MVB12A: variants seen among roughly 807,000 people sequenced by gnomAD.
MVB12A encodes CIN85/CD2AP family binding protein.
Under a neutral mutation model 34.3 loss-of-function variants are expected in MVB12A, and 30 were observed. The ratio of observed to expected loss-of-function variants is 0.88; its 90% CI spans 0.65 to 1.19. MVB12A has a LOEUF of 1.19. Ranked by LOEUF, MVB12A falls within the 50% of genes most tolerant of loss-of-function variation. The probability of loss-of-function intolerance (pLI) is 0.00; values close to 1 mark genes in which losing one functional copy is unlikely to be tolerated. For missense variants in MVB12A, 355 were observed against 369.2 expected (o/e 0.96, Z 0.31); for synonymous variants, 158 against 158.9 (o/e 0.99, Z 0.04).
chr19:17,420,878 T>C, intron 3 of MVB12A: 2 of 672,094 alleles, frequency 3.0e-6, no homozygotes, highest in South Asian at 1.6e-5. Context: ...CCACGCCACC[T>C]GTTTCACTAC....
At chr19:17,410,496 TCATA>T (rs1312371272) in intron 2 of MVB12A, among the ~76,000 whole-genome samples, 1 of 31,514 alleles carries the variant, frequency 3.2e-5, no homozygotes, top group African/African-American at 1.0e-4. Context: ...GGTTTTAGCT[TCATA>T]TATATATATA....
chr19:17,408,591 C>T (rs922383564), intron 2 of MVB12A, among the ~76,000 whole-genome samples: 5 of 147,732 alleles, frequency 3.4e-5, no homozygotes, highest in East Asian at 2.1e-4. Flanking sequence ...GGATTACAGG[C>T]GCCCACCGCC....
chr19:17,425,047 G>T lies in MVB12A; in HGVS notation c.*54G>T. On this transcript the variant is annotated 3_prime_UTR_variant, in exon 9 of 9. Transcript: ENST00000317040. Reference sequence around the variant, plus strand: ...CTTACTCCACCTCCCCGCCAGCCTGGGGCCACCCCCCCTCACTGCATCCTG... The same window carrying T: ...CTTACTCCACCTCCCCGCCAGCCTGTGGCCACCCCCCCTCACTGCATCCTG... The T allele has an allele frequency of 1.1e-6, 1 of 932,276 alleles. No individual in the cohort carries two copies. Among genetic ancestry groups the T allele is most frequent in the Non-Finnish European group, 1.7e-6 (1 of 596,662 alleles). 57.8% of individuals were successfully genotyped at this position (932,276 alleles called of 1,614,324 possible). A position where few individuals can be genotyped will look rare whatever the true frequency, so the allele number is the denominator to read the frequency against.
intron 2 of MVB12A, among the ~76,000 whole-genome samples, chr19:17,412,716 A>C (rs577108706): frequency 1.5e-4 from 23 of 152,364 alleles, no homozygotes; most frequent in Non-Finnish European, 2.9e-4. Context: ...CATCAGTTAC[A>C]TTATTCTGAC....
At chr19:17,410,530 A>ATATATATATG (rs71162122) in intron 2 of MVB12A, among the ~76,000 whole-genome samples, 3 of 73,044 alleles carry the variant, frequency 4.1e-5, no homozygotes, top group Non-Finnish European at 7.6e-5. Flanking sequence ...ATATATATAT[A>ATATATATATG]CACACACACA....
chr19:17,421,801 C>G (rs986479058), intron 3 of MVB12A: 1 of 152,034 alleles, frequency 6.6e-6, no homozygotes, highest in African/African-American at 2.4e-5. Context: ...ATTAGCTGGG[C>G]ATGGTGGTGG....
Position 17,422,412 on chromosome 19 carries a change from C to T in MVB12A, c.367C>T (p.Arg123Trp), listed in dbSNP as rs375457160. The part of the protein sequence containing the change: ...GATDTAVFDV[R>W]LSGKTKTVPG... ...CACGGACACGGCTGTGTTTGATGTC[C>T]GGCTGAGTGGGAAGACCAAGACAGT... The change falls in exon 4 of 9, where the codon CGG (arginine) becomes TGG (tryptophan). Residue 123 changes from arginine (R) to tryptophan (W), a missense_variant. Arg to Trp is a moderately radical substitution (Grantham distance 101). Coordinates refer to ENST00000317040, the MANE Select transcript of MVB12A (RefSeq NM_138401.4). 99 of 1,613,430 alleles carry T rather than the reference C, an allele frequency of 6.1e-5. No homozygotes were observed. Among genetic ancestry groups the T allele is most frequent in the Non-Finnish European group, 7.2e-5 (85 of 1,179,714 alleles).
At position 17,422,251 on chromosome 19, in the gene MVB12A, G is replaced by A. The variant is rs1443680501; in HGVS notation, c.287-81G>A. Reference sequence around the variant, plus strand: ...TGGCTGCCTTAAACAGCACCCTGGCGAGCCTCATCCTAGAGTCATCTTTGG... The same window carrying A: ...TGGCTGCCTTAAACAGCACCCTGGCAAGCCTCATCCTAGAGTCATCTTTGG... On this transcript the variant is annotated intron_variant, in intron 3 of 8. Transcript: ENST00000317040. The A allele has an allele frequency of 1.2e-5, 17 of 1,409,852 alleles. No individual in the cohort carries two copies. In the African/African-American group the frequency reaches 1.3e-4, roughly 11 times the overall value. 87.3% of individuals were successfully genotyped at this position (1,409,852 alleles called of 1,614,324 possible). A position where few individuals can be genotyped will look rare whatever the true frequency, so the allele number is the denominator to read the frequency against.
rs2074861729 is a variant in MVB12A, at chr19:17,424,964, GCTGCC to G, written c.795_799del (p.Ala266ProfsTer94). On this transcript the variant is annotated frameshift_variant, in exon 9 of 9. Transcript: ENST00000317040. LOFTEE classifies it high-confidence loss of function. ...CGGCTTCGTGGTGGAGAAGACCGCGGCTGCCCGCCTGCCCCCCAGCGTCTCATAGT... is the reference window on the plus strand; with the variant it reads ...CGGCTTCGTGGTGGAGAAGACCGCGGCGCCTGCCCCCCAGCGTCTCATAGT... 6.2e-7 allele frequency: 1 copy of G among 1,609,652 alleles called. No individual in the cohort carries two copies. The highest frequency in any genetic ancestry group is 2.3e-5 in the East Asian group (1 of 44,364).
chr19:17,409,915 C>T (rs565892719), intron 2 of MVB12A, among the ~76,000 whole-genome samples: 1 of 151,792 alleles, frequency 6.6e-6, no homozygotes, highest in East Asian at 1.9e-4. Context: ...CCCGCCACCA[C>T]GCCCAGCTAA....
Sources: allele counts gnomAD v4.1 joint callset (sites outside exome capture counted in the v4.1 genomes callset), GRCh38; gene constraint gnomAD v4.1.1; transcripts MANE v1.5; gene names NCBI Gene and HGNC (gene_info 2026-07-23, HGNC 2026-07-21).